MTUS2: variants seen among roughly 807,000 people sequenced by gnomAD.
The protein encoded by MTUS2 is microtubule associated scaffold protein 2, also known as microtubule-associated tumor suppressor candidate 2.
Under a neutral mutation model 114.1 loss-of-function variants are expected in MTUS2, and 40 were observed. The ratio of observed to expected loss-of-function variants is 0.35; its 90% CI spans 0.27 to 0.46. MTUS2 has a LOEUF of 0.46. MTUS2 is among the 20% of genes least tolerant of loss of function. MTUS2 has a pLI of 1.00. For missense variants in MTUS2, 1,679 were observed against 1,705.4 expected, an observed-to-expected ratio of 0.98 and a Z score of 0.27; for synonymous variants, 688 against 672.0, an observed-to-expected ratio of 1.02 and a Z score of -0.37.
Position 29,359,447 on chromosome 13 carries a change from G to A in MTUS2, c.3091G>A (p.Val1031Met), listed in dbSNP as rs774470315. 7.4e-6 allele frequency: 12 copies of A among 1,611,978 alleles called. No individual in the cohort carries two copies. The highest frequency in any genetic ancestry group is 4.5e-5 in the East Asian group (2 of 44,864). The stretch of plus-strand genomic sequence containing the variant: ...CATCTGCGGCTTTGATGCCCTCGCC[G>A]TGGCCACGCAGCATTTCTTTAGAAA... ...RAICGFDALA[V>M]ATQHFFRKNE... The change falls in exon 8 of 16, where the codon GTG becomes ATG. Residue 1031 changes from valine to methionine, a missense_variant. Around this residue, in one of 3 missense-constraint regions of MTUS2, gnomAD observed 822 missense variants for 899.7 expected, o/e 0.91. Transcript: ENST00000612955.
chr13:28,861,856 C>G (rs1027122832), intron 2 of MTUS2, among the ~76,000 whole-genome samples: 4 of 152,178 alleles, frequency 2.6e-5, no homozygotes, highest in Non-Finnish European at 1.5e-5. Flanking sequence ...AAATGCCCTC[C>G]TGTGCCTGGT....
In MTUS2 at chr13:29,026,681, G is replaced by T. The variant is rs534938441; in HGVS notation, c.1983G>T (p.Ser661=). 1.9e-6 allele frequency: 3 copies of T among 1,613,942 alleles called. No homozygotes were observed. The South Asian group carries it at 3.3e-5, about 18-fold the overall frequency. ...NPQALGQVDA[S]LVPVGLPYAP... ...AGGCCCTGGGCCAGGTGGACGCCTC[G>T]CTGGTTCCAGTGGGGCTTCCATATG... The change falls in exon 3 of 16, where the codon TCG becomes TCT. Residue 661 remains serine, a synonymous_variant. Transcript: ENST00000612955.
intron 8 of MTUS2, among the ~76,000 whole-genome samples, chr13:29,376,295 A>G (rs1593369462): frequency 6.6e-6 from 1 of 152,148 alleles, no homozygotes; most frequent in South Asian, 2.1e-4. Flanking sequence ...GGCTAGAGGG[A>G]TCCAGATGGT....
rs188093379 is a variant in MTUS2 at position 29,309,444 on chromosome 13, G to A, written c.2807-15169G>A. ...GGGCCTGTGGGGTGGAGGATGGGGGGAGGGAAAGCATCAGGAAGAATAGCT... is the reference window on the plus strand; with the variant it reads ...GGGCCTGTGGGGTGGAGGATGGGGGAAGGGAAAGCATCAGGAAGAATAGCT... On this transcript the variant is annotated intron_variant, in intron 6 of 15. Transcript: ENST00000612955. 2.6e-5 allele frequency among the ~76,000 whole-genome samples: 4 copies of A among 152,228 alleles called. No homozygotes were observed. In the East Asian group the frequency reaches 7.7e-4, roughly 29 times the overall value.
chr13:29,389,535 ACGTGTG>A (rs1873046177), intron 8 of MTUS2, among the ~76,000 whole-genome samples: 1 of 22,030 alleles, frequency 4.5e-5, no homozygotes. Context: ...ATATGTATAC[ACGTGTG>A]TATATGTATA....
chr13:29,490,581 C>T (rs545341536), intron 11 of MTUS2, among the ~76,000 whole-genome samples: 2 of 152,276 alleles, frequency 1.3e-5, no homozygotes, highest in African/African-American at 2.4e-5. Flanking sequence ...ACACTTTTCA[C>T]GGAACAGAAT....
intron 2 of MTUS2, among the ~76,000 whole-genome samples, chr13:28,904,388 T>C (rs907414757): frequency 5.3e-5 from 8 of 152,324 alleles, no homozygotes; most frequent in African/African-American, 1.9e-4. Context: ...TGGTTTTAGG[T>C]CTAACATGTA....
At chr13:29,264,601 T>C (rs984000277) in intron 5 of MTUS2, among the ~76,000 whole-genome samples, 12 of 152,228 alleles carry the variant, frequency 7.9e-5, no homozygotes, top group African/African-American at 2.7e-4. Flanking sequence ...AGGCAGAGGC[T>C]CCCAAGCCTC....
At chr13:29,446,012 G>A (rs1454322572) in intron 9 of MTUS2, among the ~76,000 whole-genome samples, 1 of 152,070 alleles carries the variant, frequency 6.6e-6, no homozygotes, top group African/African-American at 2.4e-5. Flanking sequence ...ATCCTCTAAT[G>A]ACTTGTTCCT....
intron 2 of MTUS2, among the ~76,000 whole-genome samples, chr13:28,971,855 T>A (rs1013335824): frequency 6.6e-5 from 10 of 152,206 alleles, no homozygotes; most frequent in African/African-American, 2.2e-4. Flanking sequence ...GATGTTCTTG[T>A]CCCATTTTTC....
chr13:29,497,097 G>T, intron 12 of MTUS2, 141 bp from the exon 13 acceptor site: 3 of 697,310 alleles, frequency 4.3e-6, no homozygotes, highest in Admixed American at 2.5e-5. Context: ...GCTCTCCTTT[G>T]GCACCTCTTT....
At chr13:29,194,469 T>A (rs75928682) in intron 5 of MTUS2, among the ~76,000 whole-genome samples, 7 of 151,856 alleles carry the variant, frequency 4.6e-5, no homozygotes, top group Admixed American at 2.0e-4. Flanking sequence ...GAAGACATTT[T>A]TGCAGCCAAA....
intron 4 of MTUS2, among the ~76,000 whole-genome samples, chr13:29,046,063 A>G (rs1298557662): frequency 1.3e-5 from 2 of 151,468 alleles, no homozygotes; most frequent in African/African-American, 4.9e-5. Context: ...GCTGCCATCT[A>G]GACACCCCAC....
intron 1 of MTUS2, among the ~76,000 whole-genome samples, chr13:28,826,602 G>C (rs1874286797): frequency 1.3e-5 from 2 of 151,896 alleles, no homozygotes; most frequent in Admixed American, 6.6e-5. Flanking sequence ...AACCAGTATT[G>C]ATGATGGCCT....
In MTUS2 at chr13:29,421,821, C is replaced by T. The variant is rs115006122; in HGVS notation, c.3118-18162C>T. 6.9e-3 allele frequency among the ~76,000 whole-genome samples: 1,046 copies of T among 152,250 alleles called. 14 individuals are homozygous for T. Among genetic ancestry groups the T allele is most frequent in the African/African-American group, 0.024 (998 of 41,562 alleles). On this transcript the variant is annotated intron_variant, in intron 8 of 15. Transcript: ENST00000612955. ...GGAGGTGAGGTGGTGCTAAGGAGTA[C>T]TGGGGAGCAGAGTTTAAGCCAAGGA...
At chr13:28,865,146 G>T (rs757905553) in intron 2 of MTUS2, among the ~76,000 whole-genome samples, 151 of 152,134 alleles carry the variant, frequency 9.9e-4, no homozygotes, top group Admixed American at 2.4e-3. Context: ...TGTCTATTCA[G>T]CTGATCTACC....
At chr13:29,084,384 T>C (rs1434314158) in intron 4 of MTUS2, among the ~76,000 whole-genome samples, 1 of 151,642 alleles carries the variant, frequency 6.6e-6, no homozygotes, top group African/African-American at 2.4e-5. Flanking sequence ...ACAAAACAAC[T>C]GTTGTTGTTA....
At chr13:29,163,735 G>A (rs993429082) in intron 5 of MTUS2, among the ~76,000 whole-genome samples, 4 of 152,262 alleles carry the variant, frequency 2.6e-5, no homozygotes, top group African/African-American at 4.8e-5. Context: ...CTGAGCGAGC[G>A]CATGTAGGGA....
At chr13:29,394,834 T>C (rs1364762291) in intron 8 of MTUS2, among the ~76,000 whole-genome samples, 2 of 152,112 alleles carry the variant, frequency 1.3e-5, no homozygotes, top group Non-Finnish European at 2.9e-5. Context: ...TTGTTAACGG[T>C]GCATGTGAGG....
Sources: allele counts gnomAD v4.1 joint callset (sites outside exome capture counted in the v4.1 genomes callset), GRCh38; gene constraint gnomAD v4.1.1; regional missense constraint gnomAD v4.1.1; transcripts MANE v1.5; gene names NCBI Gene and HGNC (gene_info 2026-07-23, HGNC 2026-07-21).